The following PARVB variants were observed in gnomAD, a reference collection of about 807,000 sequenced individuals.
PARVB encodes beta-parvin.
Under a neutral mutation model 47.0 loss-of-function variants are expected in PARVB, and 46 were observed. That is an observed-to-expected ratio of 0.98 (90% CI 0.77 to 1.25). The LOEUF (loss-of-function observed/expected upper bound fraction) is 1.25. Ranked by LOEUF, PARVB falls within the 50% of genes most tolerant of loss-of-function variation. PARVB has a pLI of 0.00. For missense variants in PARVB, 473 were observed against 471.6 expected (o/e 1.00, Z -0.03); for synonymous variants, 196 against 196.3 (o/e 1.00, Z 0.01).
At chr22:44,004,685 GA>G (rs1336242187) in intron 2 of PARVB, among the ~76,000 whole-genome samples, 1 of 152,196 alleles carries the variant, frequency 6.6e-6, no homozygotes, top group Non-Finnish European at 1.5e-5. Flanking sequence ...TTTACAAGTA[GA>G]AAAAGCCCTT....
chr22:44,101,316 G>C (rs2052439394), intron 3 of PARVB, among the ~76,000 whole-genome samples: 1 of 152,158 alleles, frequency 6.6e-6, no homozygotes, highest in African/African-American at 2.4e-5. Context: ...GGCTGAGGCA[G>C]GAGAATGGCA....
rs140809072 is a variant in PARVB at position 44,068,102 on chromosome 22, C to T, written c.113-25826C>T. Among the ~76,000 whole-genome samples the T allele has an allele frequency of 7.3e-3, 181 of 24,678 alleles. No homozygotes were observed. The highest frequency in any genetic ancestry group is 0.011 in the Non-Finnish European group (149 of 13,406). The allele number at this position is 24,678 out of a possible 152,430, so 16.2% of individuals were successfully genotyped here. ...CCGTGGGCCTCACCGCTTCCTGCTTCAGCAGAACTGGGATTGTCAGTTAAT... is the reference window on the plus strand; with the variant it reads ...CCGTGGGCCTCACCGCTTCCTGCTTTAGCAGAACTGGGATTGTCAGTTAAT... On this transcript the variant is annotated intron_variant, in intron 1 of 12. Coordinates refer to ENST00000338758, the MANE Select transcript of PARVB (RefSeq NM_013327.5). The surrounding 1 kb of genome is among the most constrained non-coding windows in gnomAD (Gnocchi z 4.1).
intron 10 of PARVB, among the ~76,000 whole-genome samples, chr22:44,154,537 GT>G (rs1319002795): frequency 9.2e-6 from 1 of 108,632 alleles, no homozygotes; most frequent in Non-Finnish European, 1.7e-5. Flanking sequence ...TCTGGTGGGT[GT>G]GTGTGTGTGT....
intron 2 of PARVB, among the ~76,000 whole-genome samples, chr22:44,003,329 G>C (rs571561899): frequency 6.6e-6 from 1 of 152,118 alleles, no homozygotes; most frequent in Admixed American, 6.6e-5. Flanking sequence ...AATACTGAGC[G>C]GGCAGAGCTA....
At chr22:44,141,313 A>T (rs891950361) in intron 8 of PARVB, 2 of 152,474 alleles carry the variant, frequency 1.3e-5, no homozygotes, top group Non-Finnish European at 2.9e-5. Flanking sequence ...AACTCACACG[A>T]TCACAAGGTC....
At chr22:44,019,695 G>A (rs185443523), upstream of PARVB, among the ~76,000 whole-genome samples, 17 of 152,288 alleles carry the variant, frequency 1.1e-4, no homozygotes, top group African/African-American at 1.9e-4. Flanking sequence ...AAGAAAGTGC[G>A]GGGGACGGCC....
At chr22:44,107,151 C>T (rs2052585991) in intron 3 of PARVB, 1 of 152,238 alleles carries the variant, frequency 6.6e-6, no homozygotes, top group African/African-American at 2.4e-5. Flanking sequence ...GAAGTGGGTG[C>T]ATGCATCCGG....
At chr22:44,019,997 CACTCCTGTG>C (rs144165283), upstream of PARVB, among the ~76,000 whole-genome samples, 1,275 of 151,512 alleles carry the variant, frequency 8.4e-3, 19 homozygotes, top group African/African-American at 0.03. Flanking sequence ...CAAGTGTCAA[CACTCCTGTG>C]ACTCCTGTGA....
At chr22:44,016,159 T>C (rs180905932) in intron 2 of PARVB, among the ~76,000 whole-genome samples, 61 of 148,372 alleles carry the variant, frequency 4.1e-4, no homozygotes, top group Middle Eastern at 3.5e-3. Context: ...TGCAGTGGCG[T>C]GATCTCGGCT....
chr22:44,092,592 C>T (rs2052197343), intron 1 of PARVB, among the ~76,000 whole-genome samples: 1 of 152,160 alleles, frequency 6.6e-6, no homozygotes, highest in South Asian at 2.1e-4. Context: ...AGGCTGGGTC[C>T]ACAGACGTGT....
At chr22:44,052,709 G>A (rs1380066091) in intron 1 of PARVB, among the ~76,000 whole-genome samples, 1 of 152,216 alleles carries the variant, frequency 6.6e-6, no homozygotes, top group African/African-American at 2.4e-5. Context: ...TTGGGAGGCT[G>A]AGGCAGGCGG....
intron 11 of PARVB, among the ~76,000 whole-genome samples, chr22:44,160,158 G>A (rs1284988575): frequency 6.6e-6 from 1 of 152,232 alleles, no homozygotes; most frequent in Non-Finnish European, 1.5e-5. Flanking sequence ...CTGGCCACGT[G>A]CTGAGCACCT....
intron 1 of PARVB, among the ~76,000 whole-genome samples, chr22:44,054,846 C>T (rs1031775565): frequency 6.6e-5 from 10 of 151,522 alleles, no homozygotes; most frequent in South Asian, 4.2e-4. Context: ...AAAAATTAGC[C>T]GGGTGTGGTG....
chr22:44,071,989 C>T (rs1429190021), intron 1 of PARVB, among the ~76,000 whole-genome samples: 4 of 152,214 alleles, frequency 2.6e-5, no homozygotes, highest in Admixed American at 2.6e-4. Flanking sequence ...CCCTCCTTCC[C>T]TCCCTCCCTC....
At chr22:44,047,037 G>T (rs1157156379) in intron 1 of PARVB, among the ~76,000 whole-genome samples, 1 of 152,200 alleles carries the variant, frequency 6.6e-6, no homozygotes, top group Non-Finnish European at 1.5e-5. Flanking sequence ...GTGAAGAGAG[G>T]TGTTTTGTCC....
At chr22:44,152,998 A>G (rs1329234214) in intron 10 of PARVB, 3 of 152,244 alleles carry the variant, frequency 2.0e-5, no homozygotes, top group Admixed American at 2.0e-4. Context: ...AGATGAATGC[A>G]CAGAGGGTTT....
chr22:44,025,549 C>T (rs1046975741), intron 1 of PARVB, among the ~76,000 whole-genome samples: 5 of 152,180 alleles, frequency 3.3e-5, no homozygotes, highest in East Asian at 3.9e-4. Context: ...CCCAGGGATG[C>T]GTGTCTTCCC....
chr22:44,133,020 C>T lies in PARVB; in HGVS notation c.633+11C>T, dbSNP rs1028997733. ...GTGGTGGTCGTGCGGGTGAGTATAA[C>T]CGAGTGGTCGGCCTGCCTGTAACTC... On this transcript the variant is annotated intron_variant, in intron 6 of 12. Transcript: ENST00000338758. 5 of 1,594,274 alleles carry T rather than the reference C, an allele frequency of 3.1e-6. No homozygotes were observed. The East Asian group carries it at 1.1e-4, about 37-fold the overall frequency.
chr22:44,079,963 G>A (rs2051863166), intron 1 of PARVB, among the ~76,000 whole-genome samples: 1 of 152,190 alleles, frequency 6.6e-6, no homozygotes, highest in Admixed American at 6.5e-5. Flanking sequence ...TAATAAGGAG[G>A]CAACCTCCTC....
Sources: gnomAD v4.1 joint callset for allele counts (sites outside exome capture counted in the v4.1 genomes callset) on GRCh38, gnomAD v4.1.1 for gene constraint, Gnocchi (gnomAD v3.1) non-coding constraint, MANE v1.5 for transcripts, NCBI Gene and HGNC (gene_info 2026-07-23, HGNC 2026-07-21) for gene names.